The following PTPRG variants were observed in gnomAD, a reference collection of about 807,000 sequenced individuals.
The protein encoded by PTPRG is receptor-type tyrosine-protein phosphatase gamma.
PTPRG carries 102 observed loss-of-function variants against 165.3 expected under a neutral mutation model. The observed-to-expected ratio is 0.62, with a 90% CI of 0.53 to 0.73. The LOEUF is 0.73. Ranked by LOEUF, PTPRG falls within the 30% of genes least tolerant of loss-of-function variation. The probability of loss-of-function intolerance (pLI) is 0.00; values close to 1 mark genes in which losing one functional copy is unlikely to be tolerated. For missense variants in PTPRG, 1,866 were observed against 1,861.4 expected, an observed-to-expected ratio of 1.00 and a Z score of -0.05; for synonymous variants, 675 against 669.5, an observed-to-expected ratio of 1.01 and a Z score of -0.13.
intron 1 of PTPRG, among the ~76,000 whole-genome samples, chr3:61,598,406 C>G (rs2106839711): frequency 6.6e-6 from 1 of 152,266 alleles, no homozygotes; most frequent in African/African-American, 2.4e-5. Context: ...CCTGGAGATT[C>G]CTTTTCTTAT....
At chr3:61,985,941 G>A (rs991814424) in intron 2 of PTPRG, among the ~76,000 whole-genome samples, 5 of 152,072 alleles carry the variant, frequency 3.3e-5, no homozygotes, top group Admixed American at 1.3e-4. Context: ...CAGTTGAAAC[G>A]AATTTAATAT....
intron 2 of PTPRG, among the ~76,000 whole-genome samples, chr3:61,790,333 G>A (rs1168581948): frequency 1.3e-5 from 2 of 152,104 alleles, no homozygotes; most frequent in Non-Finnish European, 2.9e-5. Flanking sequence ...GAGTACTTCG[G>A]GAACACCATC....
chr3:61,747,783 T>G (rs2033268461), intron 1 of PTPRG, among the ~76,000 whole-genome samples: 1 of 152,144 alleles, frequency 6.6e-6, no homozygotes, highest in African/African-American at 2.4e-5. Flanking sequence ...TCCCAAAACT[T>G]TCTTAAATTT....
chr3:61,893,457 A>C (rs2038270220), intron 2 of PTPRG, among the ~76,000 whole-genome samples: 1 of 152,230 alleles, frequency 6.6e-6, no homozygotes, highest in African/African-American at 2.4e-5. Context: ...GTGATTACCC[A>C]GAGTGATTGA....
intron 6 of PTPRG, among the ~76,000 whole-genome samples, chr3:62,142,243 A>G (rs1329728096): frequency 3.3e-5 from 5 of 152,034 alleles, no homozygotes; most frequent in Admixed American, 6.6e-5. Context: ...AGAAAACCCA[A>G]TCTTTATTGC....
At chr3:61,621,618 G>A (rs1355626463) in intron 1 of PTPRG, among the ~76,000 whole-genome samples, 1 of 151,708 alleles carries the variant, frequency 6.6e-6, no homozygotes, top group African/African-American at 2.4e-5. Flanking sequence ...TCCTTTATTC[G>A]TGCCAGGGGA....
rs371954488 is a variant in PTPRG, at chr3:62,233,375, G to A, written c.2375+2064G>A. Among the ~76,000 whole-genome samples, 8 of 152,138 alleles carry A rather than the reference G, an allele frequency of 5.3e-5. No homozygotes were observed. In the East Asian group the frequency reaches 1.2e-3, roughly 22 times the overall value. On this transcript the variant is annotated intron_variant, in intron 14 of 29. Coordinates refer to ENST00000474889, the MANE Select transcript of PTPRG (RefSeq NM_002841.4). This position sits in a 1 kb window ranked among gnomAD's most constrained non-coding sequence, Gnocchi z 4.7. ...CTCCTTCCCCATGCTCTCTCCCCAG[G>A]CACTTTTGCTGCCTCCTTTCCTGAC...
chr3:61,609,940 TA>T (rs1211167199), intron 1 of PTPRG, among the ~76,000 whole-genome samples: 8 of 151,662 alleles, frequency 5.3e-5, no homozygotes, highest in African/African-American at 1.9e-4. Context: ...AGTTAACAAT[TA>T]AAGACAGCCC....
At chr3:62,089,664 T>C (rs1701866562) in intron 5 of PTPRG, among the ~76,000 whole-genome samples, 1 of 152,200 alleles carries the variant, frequency 6.6e-6, no homozygotes, top group Non-Finnish European at 1.5e-5. Flanking sequence ...TTGGGAGCTA[T>C]GAGCATAGCT....
At chr3:61,799,820 A>G (rs2035178298) in intron 2 of PTPRG, among the ~76,000 whole-genome samples, 1 of 152,078 alleles carries the variant, frequency 6.6e-6, no homozygotes, top group Non-Finnish European at 1.5e-5. Flanking sequence ...TTATTCACTA[A>G]CCCCTTGAGA....
intron 1 of PTPRG, among the ~76,000 whole-genome samples, chr3:61,708,402 ACTT>A (rs2031371016): frequency 6.8e-6 from 1 of 146,212 alleles, no homozygotes; most frequent in South Asian, 2.1e-4. Flanking sequence ...GCTCACCAAA[ACTT>A]CTTATATCTT....
At chr3:61,764,791 A>G (rs902508958) in intron 2 of PTPRG, among the ~76,000 whole-genome samples, 5 of 152,110 alleles carry the variant, frequency 3.3e-5, no homozygotes, top group African/African-American at 1.2e-4. Flanking sequence ...TAAATTTTGC[A>G]TTGTTCTAGA....
intron 4 of PTPRG, among the ~76,000 whole-genome samples, chr3:62,057,271 A>G (rs1700664025): frequency 6.6e-6 from 1 of 152,222 alleles, no homozygotes. Context: ...AATCTCAGCC[A>G]ACCATTGAAC....
intron 8 of PTPRG, among the ~76,000 whole-genome samples, chr3:62,182,248 C>T (rs890350018): frequency 2.6e-5 from 4 of 152,126 alleles, no homozygotes; most frequent in Non-Finnish European, 5.9e-5. Flanking sequence ...CCATGCAGTT[C>T]GAACCTGTGT....
At chr3:61,947,106 G>A (rs1172540055) in intron 2 of PTPRG, among the ~76,000 whole-genome samples, 2 of 152,160 alleles carry the variant, frequency 1.3e-5, no homozygotes, top group African/African-American at 2.4e-5. Flanking sequence ...CAGGGTGGCA[G>A]CGTTTTCATT....
In PTPRG at chr3:62,203,519, AG is replaced by A; in HGVS notation, c.1727del (p.Gly576AlafsTer36). 1 of 1,556,848 alleles carries A rather than the reference AG, an allele frequency of 6.4e-7. No homozygotes were observed. The highest frequency in any genetic ancestry group is 8.7e-7 in the Non-Finnish European group (1 of 1,149,554). Reference sequence around the variant, plus strand: ...GATTCGTCACCAACCAAGGACGGCGAGGGCACCGAGGAAGGAGAGAAGGATG... The same window carrying A: ...GATTCGTCACCAACCAAGGACGGCGAGGCACCGAGGAAGGAGAGAAGGATG... ...DGDSSPTKDG[E>X]GTEEGEKDEK... On this transcript the variant is annotated frameshift_variant, in exon 12 of 30. Transcript: ENST00000474889. LOFTEE classifies it high-confidence loss of function. The surrounding 1 kb of genome is among the most constrained non-coding windows in gnomAD (Gnocchi z 6.4).
At chr3:61,687,582 C>T (rs1001992637) in intron 1 of PTPRG, among the ~76,000 whole-genome samples, 4 of 151,300 alleles carry the variant, frequency 2.6e-5, no homozygotes, top group Non-Finnish European at 5.9e-5. Context: ...GAAAAGAAAA[C>T]AAAAAAAGGA....
At chr3:61,649,536 A>G (rs1216860173) in intron 1 of PTPRG, among the ~76,000 whole-genome samples, 1 of 152,152 alleles carries the variant, frequency 6.6e-6, no homozygotes, top group Non-Finnish European at 1.5e-5. Flanking sequence ...ACTCTTTTAT[A>G]TGGTTCTTAA....
At chr3:62,114,591 G>A (rs1184469801) in intron 5 of PTPRG, among the ~76,000 whole-genome samples, 1 of 152,278 alleles carries the variant, frequency 6.6e-6, no homozygotes, top group Middle Eastern at 3.4e-3. Flanking sequence ...GAGTCAGTAA[G>A]AAGCAGAATA....
Sources: gnomAD v4.1 joint callset for allele counts (sites outside exome capture counted in the v4.1 genomes callset) on GRCh38, gnomAD v4.1.1 for gene constraint, Gnocchi (gnomAD v3.1) non-coding constraint, MANE v1.5 for transcripts, NCBI Gene and HGNC (gene_info 2026-07-23, HGNC 2026-07-21) for gene names.